FAAH2: variants seen among roughly 807,000 people sequenced by gnomAD.
FAAH2 encodes fatty acid amide hydrolase 2, also known as fatty-acid amide hydrolase 2.
FAAH2 carries 60 observed loss-of-function variants against 36.9 expected under a neutral mutation model. The ratio of observed to expected loss-of-function variants is 1.63; its 90% confidence interval spans 1.32 to 2.02. FAAH2 has a LOEUF of 2.02. Ranked by LOEUF, FAAH2 falls within the 30% of genes most tolerant of loss-of-function variation. The pLI is 0.00. For synonymous variants in FAAH2, 214 were observed against 143.8 expected, an observed-to-expected ratio of 1.49 and a Z score of -3.49; for missense variants, 689 against 397.5, an observed-to-expected ratio of 1.73 and a Z score of -6.23.
intron 2 of FAAH2, among the ~76,000 whole-genome samples, chrX:57,306,312 A>G (rs1285240832): frequency 8.9e-6 from 1 of 111,933 alleles, no homozygotes; most frequent in Non-Finnish European, 1.9e-5. Flanking sequence ...GCTACTTTGT[A>G]ACTAGCTATA....
intron 7 of FAAH2, chrX:57,395,093 T>C (rs971648688): frequency 5.5e-6 from 3 of 544,704 alleles, no homozygotes; most frequent in African/African-American, 4.5e-5. Flanking sequence ...TTCAGTGTAT[T>C]GTCTGAGTCT....
At chrX:57,194,829 A>G in the FAAH2 span, among the ~76,000 whole-genome samples, 2 of 111,360 alleles carry the variant, frequency 1.8e-5, no homozygotes, top group African/African-American at 6.5e-5. Flanking sequence ...AGTGAGAGCT[A>G]TAAGTGTTTC....
chrX:57,212,630 C>A, the FAAH2 span, among the ~76,000 whole-genome samples: 2 of 112,377 alleles, frequency 1.8e-5, no homozygotes, highest in Admixed American at 9.4e-5. Flanking sequence ...AATCTCAGAA[C>A]TTGAAGATAA....
intron 3 of FAAH2, among the ~76,000 whole-genome samples, chrX:57,328,306 G>C (rs1189363006): frequency 8.9e-6 from 1 of 112,075 alleles, no homozygotes; most frequent in Non-Finnish European, 1.9e-5. Flanking sequence ...TGAGGAGGCA[G>C]TCTGTCCATT....
chrX:57,234,142 G>C, the FAAH2 span, among the ~76,000 whole-genome samples: 1 of 112,525 alleles, frequency 8.9e-6, no homozygotes, highest in East Asian at 2.8e-4. Flanking sequence ...TTAAGTTTTT[G>C]TATTATTTAT....
At chrX:57,407,373 C>T (rs541250971) in intron 7 of FAAH2, among the ~76,000 whole-genome samples, 2 of 111,812 alleles carry the variant, frequency 1.8e-5, no homozygotes, top group African/African-American at 6.5e-5. Flanking sequence ...CCAGGAAGTT[C>T]CCACATAACC....
the FAAH2 span, among the ~76,000 whole-genome samples, chrX:57,189,992 G>A: frequency 2.2e-4 from 25 of 112,049 alleles, no homozygotes; most frequent in Non-Finnish European, 1.3e-4. Context: ...GTCTGCTGAA[G>A]CCGCGCCCAC....
chrX:57,323,273 G>A (rs1341669881), intron 3 of FAAH2, among the ~76,000 whole-genome samples: 2 of 111,533 alleles, frequency 1.8e-5, no homozygotes, highest in Non-Finnish European at 1.9e-5. Flanking sequence ...TTGCTATTGT[G>A]AATAGTGTCA....
chrX:57,274,387 G>A, the FAAH2 span, among the ~76,000 whole-genome samples: 4 of 111,939 alleles, frequency 3.6e-5, no homozygotes, highest in African/African-American at 9.7e-5. Flanking sequence ...GAAAAAGAGG[G>A]CATCCTCCCT....
At chrX:57,331,557 A>C (rs1330908132) in intron 3 of FAAH2, 41 bp from the exon 4 acceptor site, 3 of 1,130,474 alleles carry the variant, frequency 2.7e-6, no homozygotes, top group African/African-American at 3.6e-5. Flanking sequence ...AACTATTTTT[A>C]TTTAATAATT....
chrX:57,407,081 C>G (rs2055584686), intron 7 of FAAH2, among the ~76,000 whole-genome samples: 1 of 112,117 alleles, frequency 8.9e-6, no homozygotes, highest in Non-Finnish European at 1.9e-5. Context: ...TTGGAGGGCT[C>G]TGCTCCCCAT....
the FAAH2 span, among the ~76,000 whole-genome samples, chrX:57,158,872 G>T: frequency 5.4e-5 from 6 of 111,839 alleles, no homozygotes; most frequent in Non-Finnish European, 9.4e-5. Context: ...GTCAATTTTG[G>T]CTTTTGTTGC....
At chrX:57,311,699 C>A (rs1341169992) in intron 3 of FAAH2, among the ~76,000 whole-genome samples, 1 of 112,397 alleles carries the variant, frequency 8.9e-6, no homozygotes, top group Non-Finnish European at 1.9e-5. Context: ...TGCCTTTCAG[C>A]TACTCCCAGC....
chrX:57,388,771 C>T (rs2055088971), intron 7 of FAAH2, among the ~76,000 whole-genome samples: 1 of 111,107 alleles, frequency 9.0e-6, no homozygotes, highest in African/African-American at 3.3e-5. Context: ...TTCATACATT[C>T]TCTCCACTCC....
intron 7 of FAAH2, among the ~76,000 whole-genome samples, chrX:57,383,606 C>T (rs2054920383): frequency 9.0e-6 from 1 of 111,616 alleles, no homozygotes; most frequent in Admixed American, 9.5e-5. Context: ...CCTGGGAATC[C>T]AACTTGCAAG....
the FAAH2 span, among the ~76,000 whole-genome samples, chrX:57,280,630 A>C: frequency 9.2e-6 from 1 of 108,453 alleles, no homozygotes; most frequent in African/African-American, 3.5e-5. Flanking sequence ...TAGCCACTTT[A>C]CAAGATTATT....
the FAAH2 span, among the ~76,000 whole-genome samples, chrX:57,161,452 C>T: frequency 9.0e-6 from 1 of 111,055 alleles, no homozygotes; most frequent in Admixed American, 9.6e-5. Flanking sequence ...CTAATGTCGA[C>T]AGTGGGGTGT....
At chrX:57,160,214 T>G in the FAAH2 span, among the ~76,000 whole-genome samples, 1 of 111,992 alleles carries the variant, frequency 8.9e-6, no homozygotes, top group African/African-American at 3.3e-5. Context: ...GATAAGCCTT[T>G]TGATGTGCTG....
At chrX:57,172,049 T>C in the FAAH2 span, among the ~76,000 whole-genome samples, 2 of 111,764 alleles carry the variant, frequency 1.8e-5, no homozygotes, top group Admixed American at 1.9e-4. Context: ...TTGTTGACCA[T>C]CACTTGATTG....
Sources: allele counts gnomAD v4.1 joint callset (sites outside exome capture counted in the v4.1 genomes callset), GRCh38; gene constraint gnomAD v4.1.1; transcripts MANE v1.5; gene names NCBI Gene and HGNC (gene_info 2026-07-23, HGNC 2026-07-21).